Variants in PRIM2 observed in about 807,000 individuals in gnomAD.
The protein encoded by PRIM2 is DNA primase large subunit.
In PRIM2, 39 loss-of-function variants were observed where a neutral mutation model predicts 67.3. The observed-to-expected ratio is 0.58, with a 90% CI of 0.45 to 0.76. PRIM2 has a LOEUF of 0.76. Ranked by LOEUF, PRIM2 falls within the 30% of genes least tolerant of loss-of-function variation. PRIM2 has a pLI of 0.00. For missense variants in PRIM2, 398 were observed against 598.7 expected, an observed-to-expected ratio of 0.66 and a Z score of 3.50; for synonymous variants, 143 against 198.7, an observed-to-expected ratio of 0.72 and a Z score of 2.36.
At chr6:57,535,040 A>G (rs1160810708) in intron 9 of PRIM2, among the ~76,000 whole-genome samples, 1 of 152,166 alleles carries the variant, frequency 6.6e-6, no homozygotes, top group East Asian at 1.9e-4. Flanking sequence ...CTTCGAGGAC[A>G]GGGTTTTTGA....
chr6:57,492,593 A>G (rs1204603399), intron 7 of PRIM2, among the ~76,000 whole-genome samples: 1 of 152,114 alleles, frequency 6.6e-6, no homozygotes, highest in Non-Finnish European at 1.5e-5. Context: ...ATTTTAATTT[A>G]TTTGATTTAA....
At chr6:57,268,490 A>G in the PRIM2 span, among the ~76,000 whole-genome samples, 1 of 152,160 alleles carries the variant, frequency 6.6e-6, no homozygotes, top group East Asian at 1.9e-4. Flanking sequence ...CAAGGTTAAC[A>G]TTCTTGGTAG....
the PRIM2 span, among the ~76,000 whole-genome samples, chr6:57,237,114 G>A: frequency 6.6e-6 from 1 of 151,562 alleles, no homozygotes; most frequent in East Asian, 1.9e-4. Flanking sequence ...ATTCTAACTG[G>A]TGTGAGATAG....
the PRIM2 span, among the ~76,000 whole-genome samples, chr6:57,296,818 T>C: frequency 6.6e-6 from 1 of 152,146 alleles, no homozygotes; most frequent in African/African-American, 2.4e-5. Context: ...AAGTGCTTGA[T>C]ACCAGGGCAG....
intron 5 of PRIM2, among the ~76,000 whole-genome samples, chr6:57,362,782 A>G (rs2397238): frequency 2.0e-4 from 31 of 152,292 alleles, no homozygotes; most frequent in Admixed American, 1.7e-3. Flanking sequence ...GATAACATAA[A>G]GGAGATGTCA....
At chr6:57,249,430 T>C in the PRIM2 span, among the ~76,000 whole-genome samples, 3 of 152,226 alleles carry the variant, frequency 2.0e-5, no homozygotes, top group Non-Finnish European at 4.4e-5. Context: ...TTATAGGTTA[T>C]CTAATGTGAC....
At chr6:57,454,671 C>G (rs1319484071) in intron 7 of PRIM2, among the ~76,000 whole-genome samples, 1 of 152,056 alleles carries the variant, frequency 6.6e-6, no homozygotes, top group Admixed American at 6.5e-5. Flanking sequence ...TGATTCTTCT[C>G]TCTTTTCTTC....
At chr6:57,378,358 G>T (rs1769841611) in intron 5 of PRIM2, among the ~76,000 whole-genome samples, 2 of 151,508 alleles carry the variant, frequency 1.3e-5, no homozygotes, top group South Asian at 4.2e-4. Flanking sequence ...GAGCCACCGT[G>T]CCCAGCCTTT....
chr6:57,454,800 A>G (rs922315503), intron 7 of PRIM2, among the ~76,000 whole-genome samples: 4 of 151,788 alleles, frequency 2.6e-5, no homozygotes, highest in Non-Finnish European at 4.4e-5. Context: ...TTCTGTTCTG[A>G]TCTTAATTAT....
intron 12 of PRIM2, among the ~76,000 whole-genome samples, chr6:57,623,010 T>G (rs1776886162): frequency 6.6e-6 from 1 of 152,232 alleles, no homozygotes; most frequent in South Asian, 2.1e-4. Context: ...TACCAGTGGA[T>G]GATAGTATTC....
At chr6:57,245,698 A>C in the PRIM2 span, among the ~76,000 whole-genome samples, 2 of 152,200 alleles carry the variant, frequency 1.3e-5, no homozygotes, top group African/African-American at 4.8e-5. Context: ...TTCTCTGGAA[A>C]GGAAGGGATC....
chr6:57,348,360 T>A (rs1456554835), intron 5 of PRIM2, among the ~76,000 whole-genome samples: 2 of 152,252 alleles, frequency 1.3e-5, no homozygotes, highest in East Asian at 1.9e-4. Context: ...AATATATTTT[T>A]AAAATTTTAA....
chr6:57,560,557 A>G (rs1314191035), intron 10 of PRIM2, among the ~76,000 whole-genome samples: 1 of 151,492 alleles, frequency 6.6e-6, no homozygotes, highest in African/African-American at 2.4e-5. Flanking sequence ...AGGAATCACA[A>G]TCTATGGCAA....
At chr6:57,310,368 G>C (rs1168047245), upstream of PRIM2, among the ~76,000 whole-genome samples, 1 of 152,208 alleles carries the variant, frequency 6.6e-6, no homozygotes, top group African/African-American at 2.4e-5. Context: ...GGGGTTGAGG[G>C]TAAGGTTATA....
At chr6:57,274,605 G>A in the PRIM2 span, among the ~76,000 whole-genome samples, 2 of 152,220 alleles carry the variant, frequency 1.3e-5, no homozygotes, top group Non-Finnish European at 2.9e-5. Context: ...CCCTGCTTTG[G>A]CTCGTGCACG....
At chr6:57,621,344 C>G (rs1457905579) in intron 12 of PRIM2, among the ~76,000 whole-genome samples, 4 of 152,222 alleles carry the variant, frequency 2.6e-5, no homozygotes, top group African/African-American at 9.6e-5. Flanking sequence ...GGAATGAGCC[C>G]TCATGGCCTC....
rs947593626 is a variant in PRIM2 at position 57,368,856 on chromosome 6, G to C, written c.460-11045G>C. Among the ~76,000 whole-genome samples, 30 of 152,256 alleles carry C rather than the reference G, an allele frequency of 2.0e-4. No homozygotes were observed. In the South Asian group the frequency reaches 2.7e-3, roughly 14 times the overall value. ...TGACTTATAGAAAGGTTTGTTCCTT[G>C]TTCATATTCTGTGTCTTCATGGGCC... is the stretch of plus-strand genomic sequence containing the variant. On this transcript the variant is annotated intron_variant, in intron 5 of 13. Coordinates refer to ENST00000615550, the MANE Select transcript of PRIM2 (RefSeq NM_000947.5).
Position 57,418,395 on chromosome 6 carries a change from T to G in PRIM2, c.693+36227T>G, listed in dbSNP as rs1287577837. On this transcript the variant is annotated intron_variant, in intron 7 of 13. Transcript: ENST00000615550. ...TCCTATGTGTGTGGTTTTTTTTTTTTTTTTTTTTTTTTTTTTTTTTTTAAC... is the reference window on the plus strand; with the variant it reads ...TCCTATGTGTGTGGTTTTTTTTTTTGTTTTTTTTTTTTTTTTTTTTTTAAC... Among the ~76,000 whole-genome samples the G allele has an allele frequency of 3.7e-3, 431 of 116,140 alleles. 8 individuals carry two copies. Among genetic ancestry groups the G allele is most frequent in the Non-Finnish European group, 4.8e-3 (275 of 57,342 alleles). The allele number at this position is 116,140 out of a possible 152,430, so 76.2% of individuals were successfully genotyped here.
intron 7 of PRIM2, among the ~76,000 whole-genome samples, chr6:57,403,249 A>ATTT (rs71299587): frequency 0.018 from 1,942 of 110,178 alleles, 9 homozygotes; most frequent in African/African-American, 0.063. Flanking sequence ...CAGGTGAAGA[A>ATTT]TTTTTTTTTT....
Sources: allele counts gnomAD v4.1 joint callset (sites outside exome capture counted in the v4.1 genomes callset), GRCh38; gene constraint gnomAD v4.1.1; transcripts MANE v1.5; gene names NCBI Gene and HGNC (gene_info 2026-07-23, HGNC 2026-07-21).